DCAF8: variants seen among roughly 807,000 people sequenced by gnomAD.
DCAF8 encodes DDB1 and CUL4 associated factor 8, also known as DDB1- and CUL4-associated factor 8.
DCAF8 carries 20 observed loss-of-function variants against 68.0 expected under a neutral mutation model. That is an observed-to-expected ratio of 0.29 (90% CI 0.21 to 0.43). The LOEUF is 0.43. Ranked by LOEUF, DCAF8 falls within the 20% of genes least tolerant of loss-of-function variation. DCAF8 has a pLI of 1.00. For missense variants in DCAF8, 460 were observed against 771.0 expected (o/e 0.60, Z 4.78); for synonymous variants, 230 against 276.9 (o/e 0.83, Z 1.68).
intron 2 of DCAF8, among the ~76,000 whole-genome samples, chr1:160,251,441 T>G (rs950136139): frequency 2.0e-5 from 3 of 152,232 alleles, no homozygotes; most frequent in African/African-American, 7.2e-5. Flanking sequence ...CAAGCCTACT[T>G]GCCTTCCACA....
intron 3 of DCAF8, among the ~76,000 whole-genome samples, chr1:160,241,648 G>A (rs891492175): frequency 6.6e-6 from 1 of 152,184 alleles, no homozygotes; most frequent in African/African-American, 2.4e-5. Context: ...AAAAAGGGGA[G>A]AATAAAGATT....
At chr1:160,218,470 G>T in intron 12 of DCAF8, 30 bp from the exon 13 acceptor site, 1 of 1,561,060 alleles carries the variant, frequency 6.4e-7, no homozygotes, top group Non-Finnish European at 8.8e-7. Flanking sequence ...GGAAGAGGGG[G>T]CAGCAATGAA....
intron 6 of DCAF8, among the ~76,000 whole-genome samples, chr1:160,233,408 CA>C (rs1217597290): frequency 6.6e-6 from 1 of 151,676 alleles, no homozygotes; most frequent in African/African-American, 2.4e-5. Flanking sequence ...TAAAAACAAA[CA>C]AAAAAAATAC....
rs147197863 is a variant in DCAF8, at chr1:160,237,718, T to C, written c.865-489A>G. On this transcript the variant is annotated intron_variant, in intron 5 of 13. Transcript: ENST00000368074. ...ATTTTTTCGCTTTTTTTTTGTTTGT[T>C]TTCCACAGATGGGGTCTTGCTATAT... 1.1e-3 allele frequency among the ~76,000 whole-genome samples: 160 copies of C among 152,002 alleles called. 1 individual carries two copies. The highest frequency in any genetic ancestry group is 3.6e-3 in the African/African-American group (150 of 41,390).
intron 2 of DCAF8, among the ~76,000 whole-genome samples, chr1:160,251,558 G>C (rs1028368293): frequency 1.7e-4 from 26 of 151,822 alleles, no homozygotes; most frequent in Admixed American, 5.9e-4. Context: ...CTGAAGCCTC[G>C]ATCTCCCAGG....
chr1:160,262,292 G>A (rs1204068906), intron 1 of DCAF8, 157 bp downstream of exon 1: 9 of 398,834 alleles, frequency 2.3e-5, no homozygotes, highest in Non-Finnish European at 3.5e-5. Context: ...GGTCAAGGGA[G>A]GGGGGGTGTC....
chr1:160,234,009 A>G (rs994634417), intron 6 of DCAF8, among the ~76,000 whole-genome samples: 3 of 152,176 alleles, frequency 2.0e-5, no homozygotes, highest in Admixed American at 6.5e-5. Context: ...AGACCAAAGG[A>G]TTTCTTTGAA....
chr1:160,254,839 G>A lies in DCAF8; in HGVS notation c.-27+6446C>T, dbSNP rs111703274. Among the ~76,000 whole-genome samples the A allele has an allele frequency of 7.6e-3, 1,154 of 152,160 alleles. 21 individuals are homozygous for A. The highest frequency in any genetic ancestry group is 0.026 in the African/African-American group (1,099 of 41,542). ...TATTTTTAAAGACAGCATGTGTTAT[G>A]AAAGAAAGAAAAGGGCTTTGGTGTC... On this transcript the variant is annotated intron_variant, in intron 2 of 13. Transcript: ENST00000368074.
intron 7 of DCAF8, among the ~76,000 whole-genome samples, chr1:160,228,787 T>A (rs1352077529): frequency 6.6e-6 from 1 of 152,210 alleles, no homozygotes; most frequent in African/African-American, 2.4e-5. Flanking sequence ...TGAAAGTTAA[T>A]GATGTTATGA....
intron 3 of DCAF8, among the ~76,000 whole-genome samples, chr1:160,242,735 A>G (rs1425148110): frequency 6.6e-6 from 1 of 152,196 alleles, no homozygotes; most frequent in Non-Finnish European, 1.5e-5. Flanking sequence ...ATGTAGAACA[A>G]AAGCAACTCA....
chr1:160,227,368 G>A (rs1391299775), intron 7 of DCAF8, among the ~76,000 whole-genome samples: 3 of 152,134 alleles, frequency 2.0e-5, no homozygotes, highest in Non-Finnish European at 4.4e-5. Context: ...CAGCTCACAC[G>A]ATCCTCCCGC....
chr1:160,242,073 A>G (rs1432853318), intron 3 of DCAF8, among the ~76,000 whole-genome samples: 4 of 152,084 alleles, frequency 2.6e-5, no homozygotes. Context: ...TGAAACCCCC[A>G]TTTCTACTAG....
intron 3 of DCAF8, among the ~76,000 whole-genome samples, chr1:160,242,882 T>TAA: frequency 6.6e-6 from 1 of 152,348 alleles, no homozygotes; most frequent in East Asian, 1.9e-4. Flanking sequence ...AAATCAATAG[T>TAA]ATACTTTAAC....
chr1:160,233,772 T>C, intron 6 of DCAF8, among the ~76,000 whole-genome samples: 1 of 152,210 alleles, frequency 6.6e-6, no homozygotes, highest in South Asian at 2.1e-4. Context: ...AATCTTACTA[T>C]GCCTCAACTT....
chr1:160,238,524 AATGGGC>A, intron 5 of DCAF8, 77 bp downstream of exon 5: 1 of 1,422,100 alleles, frequency 7.0e-7, no homozygotes, highest in Non-Finnish European at 9.4e-7. Flanking sequence ...AATGTGACAC[AATGGGC>A]AGAGATAAGG....
At chr1:160,243,762 G>A (rs1656213065) in intron 3 of DCAF8, among the ~76,000 whole-genome samples, 198 bp downstream of exon 3, 1 of 152,104 alleles carries the variant, frequency 6.6e-6, no homozygotes. Flanking sequence ...TTGATATTTT[G>A]AAAATGATCA....
intron 2 of DCAF8, among the ~76,000 whole-genome samples, chr1:160,250,705 C>T (rs1022357994): frequency 2.0e-5 from 3 of 152,020 alleles, no homozygotes; most frequent in African/African-American, 7.2e-5. Context: ...GATTTATCAG[C>T]GACCATATTA....
intron 2 of DCAF8, among the ~76,000 whole-genome samples, chr1:160,260,808 A>AG (rs752108380): frequency 1.9e-4 from 29 of 151,980 alleles, no homozygotes; most frequent in Non-Finnish European, 3.7e-4. Flanking sequence ...TAAAGGCAGC[A>AG]TCACTCATCA....
chr1:160,224,327 T>C, intron 10 of DCAF8, 115 bp downstream of exon 10: 2 of 731,408 alleles, frequency 2.7e-6, no homozygotes, highest in Non-Finnish European at 2.3e-6. Flanking sequence ...GGATAATCCC[T>C]CAGTGCCCAT....
Sources: gnomAD v4.1 joint callset for allele counts (sites outside exome capture counted in the v4.1 genomes callset) on GRCh38, gnomAD v4.1.1 for gene constraint, MANE v1.5 for transcripts, NCBI Gene and HGNC (gene_info 2026-07-23, HGNC 2026-07-21) for gene names.